The following NXPE2 variants were observed in gnomAD, a reference collection of about 807,000 sequenced individuals.
The protein encoded by NXPE2 is neurexophilin and PC-esterase domain family member 2, also known as NXPE family member 2.
NXPE2 carries 34 observed loss-of-function variants against 34.4 expected under a neutral mutation model. That is an observed-to-expected ratio of 0.99 (90% confidence interval 0.75 to 1.31). The LOEUF is 1.31. Among genes scored for constraint, NXPE2 ranks in the 40% most tolerant of loss-of-function variants. The pLI is 0.00. For synonymous variants in NXPE2, 235 were observed against 231.3 expected (o/e 1.02, Z -0.15); for missense variants, 649 against 672.5 (o/e 0.97, Z 0.39).
chr11:114,545,879 T>A, the NXPE2 span, among the ~76,000 whole-genome samples: 1 of 151,784 alleles, frequency 6.6e-6, no homozygotes, highest in Non-Finnish European at 1.5e-5. Context: ...TTAATAGAGA[T>A]GGAATGTCAC....
chr11:114,501,776 G>C, the NXPE2 span, among the ~76,000 whole-genome samples: 1 of 152,130 alleles, frequency 6.6e-6, no homozygotes, highest in Non-Finnish European at 1.5e-5. Flanking sequence ...AAGAGACTTA[G>C]TATCTCAACG....
chr11:114,522,142 A>G, the NXPE2 span: 2 of 1,614,114 alleles, frequency 1.2e-6, no homozygotes, highest in Non-Finnish European at 8.5e-7. Flanking sequence ...GGAAGTCTCC[A>G]AACCTCTCTG....
chr11:114,470,153 C>T, the NXPE2 span, among the ~76,000 whole-genome samples: 3 of 151,966 alleles, frequency 2.0e-5, no homozygotes, highest in Non-Finnish European at 2.9e-5. Flanking sequence ...ATGCTGTGAA[C>T]ATTCATGAAC....
chr11:114,645,654 A>G, the NXPE2 span, among the ~76,000 whole-genome samples: 4 of 152,192 alleles, frequency 2.6e-5, no homozygotes, highest in Non-Finnish European at 1.5e-5. Flanking sequence ...AAGTTAGCAA[A>G]GAACTCCTCC....
the NXPE2 span, among the ~76,000 whole-genome samples, chr11:114,810,641 C>T: frequency 1.3e-5 from 2 of 151,838 alleles, no homozygotes; most frequent in Non-Finnish European, 2.9e-5. Context: ...CAATGAGATA[C>T]CATCTCACAC....
chr11:114,652,573 C>A, the NXPE2 span, among the ~76,000 whole-genome samples: 14 of 152,296 alleles, frequency 9.2e-5, no homozygotes, highest in East Asian at 2.7e-3. Flanking sequence ...ATGCTTAACA[C>A]AGTGAGTGTT....
At chr11:114,613,435 G>T in the NXPE2 span, among the ~76,000 whole-genome samples, 13 of 151,838 alleles carry the variant, frequency 8.6e-5, no homozygotes, top group Admixed American at 3.3e-4. Flanking sequence ...AATAAGTGTT[G>T]CCTCTTGTGT....
At chr11:114,546,895 A>C in the NXPE2 span, among the ~76,000 whole-genome samples, 1 of 152,224 alleles carries the variant, frequency 6.6e-6, no homozygotes, top group Non-Finnish European at 1.5e-5. Flanking sequence ...TTGAGTAACA[A>C]AATAATGTAC....
At chr11:114,632,747 TTATAA>T in the NXPE2 span, among the ~76,000 whole-genome samples, 1 of 18,062 alleles carries the variant, frequency 5.5e-5, no homozygotes, top group Non-Finnish European at 9.1e-5. Flanking sequence ...ATAAAATATA[TTATAA>T]TATATCATAT....
chr11:114,675,425 A>G (rs1292732009), upstream of NXPE2, among the ~76,000 whole-genome samples: 4 of 151,824 alleles, frequency 2.6e-5, no homozygotes, highest in Non-Finnish European at 4.4e-5. Flanking sequence ...TCCACCAAAA[A>G]ACTGTTAGAA....
chr11:114,601,675 A>G, the NXPE2 span, among the ~76,000 whole-genome samples: 1 of 37,302 alleles, frequency 2.7e-5, no homozygotes, highest in African/African-American at 1.4e-4. Context: ...TATATATTAT[A>G]ATTATAGATT....
the NXPE2 span, among the ~76,000 whole-genome samples, chr11:114,748,897 T>G: frequency 6.6e-6 from 1 of 152,268 alleles, no homozygotes; most frequent in African/African-American, 2.4e-5. Flanking sequence ...TTCCATTTTA[T>G]TCAATGGATT....
the NXPE2 span, among the ~76,000 whole-genome samples, chr11:114,612,115 C>T: frequency 6.6e-6 from 1 of 151,838 alleles, no homozygotes; most frequent in East Asian, 1.9e-4. Flanking sequence ...CCACTGTTAC[C>T]TGGTGGATAA....
chr11:114,558,071 T>C, the NXPE2 span, among the ~76,000 whole-genome samples: 1 of 152,054 alleles, frequency 6.6e-6, no homozygotes, highest in South Asian at 2.1e-4. Context: ...GCTTAACAGA[T>C]CAAATATAAC....
the NXPE2 span, among the ~76,000 whole-genome samples, chr11:114,532,447 TGTAATATATAACA>T: frequency 6.6e-6 from 1 of 152,074 alleles, no homozygotes; most frequent in African/African-American, 2.4e-5. Context: ...AAAATAATCA[TGTAATATATAACA>T]GTAAGAATAA....
At chr11:114,467,834 G>A in the NXPE2 span, among the ~76,000 whole-genome samples, 4 of 152,092 alleles carry the variant, frequency 2.6e-5, no homozygotes, top group Non-Finnish European at 4.4e-5. Context: ...TACTTGGGAG[G>A]CTGAGGTTGG....
chr11:114,657,455 G>C, the NXPE2 span, among the ~76,000 whole-genome samples: 1 of 152,038 alleles, frequency 6.6e-6, no homozygotes. Context: ...TTTTAACAAT[G>C]GAAATCACAG....
intron 2 of NXPE2, among the ~76,000 whole-genome samples, chr11:114,686,581 A>G (rs1286844520): frequency 6.6e-6 from 1 of 152,124 alleles, no homozygotes; most frequent in Non-Finnish European, 1.5e-5. Flanking sequence ...ATAAACACAC[A>G]AGAACAAATG....
the NXPE2 span, among the ~76,000 whole-genome samples, chr11:114,716,846 T>C: frequency 6.6e-6 from 1 of 152,174 alleles, no homozygotes; most frequent in Non-Finnish European, 1.5e-5. Flanking sequence ...CGATTTTTTT[T>C]CCAATGACAA....
Sources: gnomAD v4.1 joint callset for allele counts (sites outside exome capture counted in the v4.1 genomes callset) on GRCh38, gnomAD v4.1.1 for gene constraint, MANE v1.5 for transcripts, NCBI Gene and HGNC (gene_info 2026-07-23, HGNC 2026-07-21) for gene names.